Variants in BICD2 observed in about 807,000 individuals in gnomAD.
BICD2 encodes protein bicaudal D homolog 2.
A neutral mutation model predicts 72.9 loss-of-function variants in BICD2; 25 were observed. The ratio of observed to expected loss-of-function variants is 0.34; its 90% CI spans 0.25 to 0.48. The LOEUF is 0.48. Ranked by LOEUF, BICD2 falls within the 20% of genes least tolerant of loss-of-function variation. The pLI, the probability that BICD2 is intolerant of heterozygous loss-of-function variation, is 0.99. For missense variants in BICD2, 894 were observed against 1,175.2 expected (o/e 0.76, Z 3.50); for synonymous variants, 501 against 516.1 (o/e 0.97, Z 0.40).
chr9:92,755,959 A>C (rs1854246165), intron 1 of BICD2, among the ~76,000 whole-genome samples: 1 of 152,226 alleles, frequency 6.6e-6, no homozygotes. Flanking sequence ...GAGGGGAGAG[A>C]CTGGCTCCAG....
At chr9:92,734,663 A>G (rs994602079) in intron 1 of BICD2, among the ~76,000 whole-genome samples, 1 of 152,004 alleles carries the variant, frequency 6.6e-6, no homozygotes, top group Non-Finnish European at 1.5e-5. Flanking sequence ...AGTGCAATTA[A>G]GCACTAAGAA....
At chr9:92,746,568 C>T (rs1447344219) in intron 1 of BICD2, among the ~76,000 whole-genome samples, 1 of 151,306 alleles carries the variant, frequency 6.6e-6, no homozygotes, top group African/African-American at 2.4e-5. Flanking sequence ...CATGGAAGCA[C>T]ATGCCACATG....
Position 92,717,874 on chromosome 9 carries a change from C to A in BICD2, c.2181G>T (p.Met727Ile), listed in dbSNP as rs1220601140. ...NEKAMVTETM[M>I]KLRNELKALK... The stretch of plus-strand genomic sequence containing the variant: ...GGGCCTTGAGCTCATTGCGCAGCTT[C>A]ATCATGGTCTCGGTAACCATGGCCT... Residue 727 changes from methionine (M) to isoleucine (I), a missense_variant, in exon 6 of 7, where the codon ATG (methionine) becomes ATT (isoleucine). By Grantham distance (10) the Met-to-Ile change is conservative. This residue lies in a region of BICD2 where 321 missense variants were observed against 443.9 expected (regional missense o/e 0.72). Transcript: ENST00000356884. 5.6e-6 allele frequency: 9 copies of A among 1,613,222 alleles called. No homozygotes were observed. The highest frequency in any genetic ancestry group is 1.3e-5 in the African/African-American group (1 of 74,906).
At chr9:92,751,440 A>G (rs1246419761) in intron 1 of BICD2, among the ~76,000 whole-genome samples, 1 of 152,180 alleles carries the variant, frequency 6.6e-6, no homozygotes, top group Non-Finnish European at 1.5e-5. Context: ...CACTGAGCCC[A>G]GCCCTAACTT....
chr9:92,751,130 G>GTTT (rs367971149), intron 1 of BICD2, among the ~76,000 whole-genome samples: 7 of 147,954 alleles, frequency 4.7e-5, no homozygotes, highest in Admixed American at 3.4e-4. Flanking sequence ...AGGGTGGTTG[G>GTTT]TTTTTTGTTG....
intron 1 of BICD2, among the ~76,000 whole-genome samples, chr9:92,740,308 T>C (rs1169814325): frequency 1.3e-5 from 2 of 152,316 alleles, no homozygotes; most frequent in South Asian, 2.1e-4. Context: ...TAAAAGACAG[T>C]ATTTCACATA....
At chr9:92,737,623 C>T (rs1031117401) in intron 1 of BICD2, among the ~76,000 whole-genome samples, 5 of 152,178 alleles carry the variant, frequency 3.3e-5, no homozygotes, top group African/African-American at 7.2e-5. Flanking sequence ...TAAAAGATTA[C>T]GACCAACAAC....
At chr9:92,757,870 T>C (rs1854293139) in intron 1 of BICD2, among the ~76,000 whole-genome samples, 1 of 152,176 alleles carries the variant, frequency 6.6e-6, no homozygotes, top group Non-Finnish European at 1.5e-5. Flanking sequence ...CTCTCCACCT[T>C]TGATTATGTG....
intron 1 of BICD2, among the ~76,000 whole-genome samples, chr9:92,737,844 G>A (rs1853820114): frequency 6.6e-6 from 1 of 152,212 alleles, no homozygotes; most frequent in Non-Finnish European, 1.5e-5. Flanking sequence ...TCAGAGCCTG[G>A]GAGGATGGGG....
At chr9:92,763,115 T>C (rs575572507) in intron 1 of BICD2, among the ~76,000 whole-genome samples, 1 of 152,248 alleles carries the variant, frequency 6.6e-6, no homozygotes, top group Admixed American at 6.5e-5. Flanking sequence ...CTGAGGGCGA[T>C]GGGGGAGGAC....
At chr9:92,742,461 T>C (rs1170308900) in intron 1 of BICD2, among the ~76,000 whole-genome samples, 1 of 151,538 alleles carries the variant, frequency 6.6e-6, no homozygotes, top group Non-Finnish European at 1.5e-5. Context: ...CTTGGCTCAC[T>C]GCAAGCTCCA....
chr9:92,718,513 T>C (rs1307345957), intron 5 of BICD2, 26 bp downstream of exon 5: 2 of 1,588,086 alleles, frequency 1.3e-6, no homozygotes, highest in Non-Finnish European at 8.6e-7. Flanking sequence ...GTAGGTGACA[T>C]GTGCCCCTGC....
In BICD2 at chr9:92,715,134, C is replaced by A; in HGVS notation, c.*20G>T. The A allele has an allele frequency of 6.5e-7, 1 of 1,546,474 alleles. No individual in the cohort carries two copies. On this transcript the variant is annotated 3_prime_UTR_variant, in exon 7 of 7. Coordinates refer to ENST00000356884, the MANE Select transcript of BICD2 (RefSeq NM_001003800.2). ...GAGGTGAAGCAGATGTTAGCTGCAG[C>A]GTGCGGCGCCCCACAGCCCCTAATC...
intron 2 of BICD2, among the ~76,000 whole-genome samples, chr9:92,725,715 T>C (rs1200471691): frequency 6.6e-6 from 1 of 152,216 alleles, no homozygotes; most frequent in Non-Finnish European, 1.5e-5. Flanking sequence ...AAGCAGGGTG[T>C]GACAATTGCC....
In BICD2 at chr9:92,720,140, T is replaced by C. The variant is rs1167825736; in HGVS notation, c.1062+160A>G. On this transcript the variant is annotated intron_variant, in intron 4 of 6. Coordinates refer to ENST00000356884, the MANE Select transcript of BICD2 (RefSeq NM_001003800.2). The surrounding 1 kb of genome is among the most constrained non-coding windows in gnomAD (Gnocchi z 5.4). ...ACCACTTCTCTGAGACTCCTCTATGTGTGCTCCTGGAGTTCCATTTACCGT... is the reference window on the plus strand; with the variant it reads ...ACCACTTCTCTGAGACTCCTCTATGCGTGCTCCTGGAGTTCCATTTACCGT... Among the ~76,000 whole-genome samples the C allele has an allele frequency of 6.6e-6, 1 of 152,256 alleles. No individual in the cohort carries two copies. The highest frequency in any genetic ancestry group is 2.4e-5 in the African/African-American group (1 of 41,458).
At chr9:92,743,039 T>C (rs1853929148) in intron 1 of BICD2, among the ~76,000 whole-genome samples, 1 of 152,240 alleles carries the variant, frequency 6.6e-6, no homozygotes, top group African/African-American at 2.4e-5. Context: ...TCAACTTTTT[T>C]TGAGGAACTG....
rs994172580 is a variant in BICD2 at position 92,713,540 on chromosome 9, G to A, written c.*1614C>T. On this transcript the variant is annotated 3_prime_UTR_variant, in exon 7 of 7. Transcript: ENST00000356884. ...TTATCTGACAATTGAAGCTCTCCAC[G>A]TGCTGGGAGGGCGCGAGCACGTTAG... 14 of 1,554,476 alleles carry A rather than the reference G, an allele frequency of 9.0e-6. No individual in the cohort carries two copies. Among genetic ancestry groups the A allele is most frequent in the South Asian group, 3.6e-5 (3 of 84,480 alleles).
At chr9:92,740,540 G>T (rs1202264262) in intron 1 of BICD2, among the ~76,000 whole-genome samples, 1 of 151,918 alleles carries the variant, frequency 6.6e-6, no homozygotes, top group Non-Finnish European at 1.5e-5. Flanking sequence ...GGCGGGGAGG[G>T]GGGGCGTTGT....
chr9:92,740,169 A>G (rs1262178496), intron 1 of BICD2, among the ~76,000 whole-genome samples: 1 of 152,208 alleles, frequency 6.6e-6, no homozygotes, highest in Non-Finnish European at 1.5e-5. Context: ...GAACTGGCAG[A>G]GACATGAAGT....
Sources: gnomAD v4.1 joint callset for allele counts (sites outside exome capture counted in the v4.1 genomes callset) on GRCh38, gnomAD v4.1.1 for gene constraint, gnomAD v4.1.1 regional missense constraint, Gnocchi (gnomAD v3.1) non-coding constraint, MANE v1.5 for transcripts, NCBI Gene and HGNC (gene_info 2026-07-23, HGNC 2026-07-21) for gene names.